CDH1: variants seen among roughly 807,000 people sequenced by gnomAD.
CDH1 encodes cadherin 1.
In CDH1, 35 loss-of-function variants were observed where a neutral mutation model predicts 84.5. The ratio of observed to expected loss-of-function variants is 0.41; its 90% confidence interval spans 0.32 to 0.55. CDH1 has a LOEUF of 0.55. CDH1 is among the 20% of genes least tolerant of loss of function. The probability of loss-of-function intolerance (pLI) is 0.19; values close to 1 mark genes in which losing one functional copy is unlikely to be tolerated. For missense variants in CDH1, 994 were observed against 1,126.6 expected, an observed-to-expected ratio of 0.88 and a Z score of 1.68; for synonymous variants, 417 against 439.0, an observed-to-expected ratio of 0.95 and a Z score of 0.63.
At position 68,806,122 on chromosome 16, in the gene CDH1, ATATTTATTTATTTATT is replaced by A. The variant is rs200148272; in HGVS notation, c.388-2272_388-2257del. Among the ~76,000 whole-genome samples, 55 of 144,518 alleles carry A rather than the reference ATATTTATTTATTTATT, an allele frequency of 3.8e-4. No homozygotes were observed. In the South Asian group the frequency reaches 6.4e-3, roughly 17 times the overall value. The allele number at this position is 144,518 out of a possible 152,430, so 94.8% of individuals were successfully genotyped here. On this transcript the variant is annotated intron_variant, in intron 3 of 15. Transcript: ENST00000261769. Reference sequence around the variant, plus strand: ...GCCACCATGCCTGGCTAATTTTTGTATATTTATTTATTTATTTATTTATTTATTTATTTATTTATTT... The same window carrying A: ...GCCACCATGCCTGGCTAATTTTTGTATATTTATTTATTTATTTATTTATTT...
At chr16:68,797,554 C>T (rs902691457) in intron 2 of CDH1, among the ~76,000 whole-genome samples, 3 of 152,078 alleles carry the variant, frequency 2.0e-5, no homozygotes, top group African/African-American at 7.2e-5. Context: ...GTGGCATGTA[C>T]CTGTAGCCCC....
intron 2 of CDH1, among the ~76,000 whole-genome samples, chr16:68,754,135 T>C (rs901160394): frequency 7.0e-6 from 1 of 143,558 alleles, no homozygotes. Flanking sequence ...AAAAAAAAAA[T>C]TATTCGGCAG....
Position 68,801,888 on chromosome 16 carries a change from C to T in CDH1, c.382C>T (p.His128Tyr), listed in dbSNP as rs376152506. The T allele has an allele frequency of 2.5e-6, 4 of 1,613,300 alleles. No individual in the cohort carries two copies. Among genetic ancestry groups the T allele is most frequent in the Non-Finnish European group, 3.4e-6 (4 of 1,179,360 alleles). The change falls in exon 3 of 16, where the codon CAT (histidine) becomes TAT (tyrosine). Residue 128 changes from histidine to tyrosine, a missense_variant. His to Tyr is a moderately conservative substitution (Grantham distance 83, BLOSUM62 2). Transcript: ENST00000261769. ...TVGHHHRPPPHQASVSGIQAE... is the reference protein window; with the variant it reads ...TVGHHHRPPPYQASVSGIQAE... ...GGGGCACCACCACCGCCCCCCGCCCCATCAGGTATGTTGGCATTTTTCTGA... is the reference window on the plus strand; with the variant it reads ...GGGGCACCACCACCGCCCCCCGCCCTATCAGGTATGTTGGCATTTTTCTGA...
intron 2 of CDH1, among the ~76,000 whole-genome samples, chr16:68,759,487 C>CTTTTTTTTT (rs141278700): frequency 3.7e-5 from 5 of 136,116 alleles, no homozygotes; most frequent in Non-Finnish European, 1.6e-5. Flanking sequence ...TCTTTTCTTT[C>CTTTTTTTTT]TTTTTTTTTT....
chr16:68,764,482 CAGG>C (rs1461468310), intron 2 of CDH1, among the ~76,000 whole-genome samples: 2 of 152,188 alleles, frequency 1.3e-5, no homozygotes, highest in Admixed American at 1.3e-4. Context: ...GAGGCTGAGA[CAGG>C]AGAATCGCTT....
intron 2 of CDH1, among the ~76,000 whole-genome samples, chr16:68,740,223 G>A (rs1174654049): frequency 6.6e-6 from 1 of 152,142 alleles, no homozygotes; most frequent in South Asian, 2.1e-4. Context: ...CCTCCACTGT[G>A]TCATTCTTCC....
At chr16:68,779,723 G>A (rs1959824050) in intron 2 of CDH1, among the ~76,000 whole-genome samples, 1 of 152,178 alleles carries the variant, frequency 6.6e-6, no homozygotes, top group East Asian at 1.9e-4. Context: ...TGGGCATGGT[G>A]GCACATGCCT....
At chr16:68,806,254 C>A (rs578128435) in intron 3 of CDH1, among the ~76,000 whole-genome samples, 70 of 151,970 alleles carry the variant, frequency 4.6e-4, no homozygotes, top group African/African-American at 1.7e-3. Flanking sequence ...CGGGTTCAAG[C>A]AATTCTCACG....
intron 2 of CDH1, among the ~76,000 whole-genome samples, chr16:68,798,778 GGGT>G (rs1337168657): frequency 1.3e-5 from 2 of 152,074 alleles, no homozygotes; most frequent in Non-Finnish European, 2.9e-5. Context: ...CTTCTGCTGG[GGGT>G]GGGGGAGGAC....
intron 2 of CDH1, among the ~76,000 whole-genome samples, chr16:68,769,710 C>T (rs1167225230): frequency 6.6e-6 from 1 of 151,674 alleles, no homozygotes; most frequent in African/African-American, 2.4e-5. Context: ...GGAGTATCGC[C>T]GGAGTCCAGG....
Position 68,786,534 on chromosome 16 carries a change from C to CTTTTTTTTTTTTTTT in CDH1, c.164-15131_164-15117dup, listed in dbSNP as rs3074434. Among the ~76,000 whole-genome samples the CTTTTTTTTTTTTTTT allele has an allele frequency of 1.6e-3, 121 of 73,942 alleles. 6 individuals are homozygous for CTTTTTTTTTTTTTTT. Among genetic ancestry groups the CTTTTTTTTTTTTTTT allele is most frequent in the East Asian group, 2.8e-3 (7 of 2,460 alleles). 48.5% of individuals were successfully genotyped at this position (73,942 alleles called of 152,430 possible). ...CTTTCTGCTTTCTTTTTTTTTTTTT[C>CTTTTTTTTTTTTTTT]TTTTTTTTTTTTTTTTTTTGGTATT... On this transcript the variant is annotated intron_variant, in intron 2 of 15. Transcript: ENST00000261769.
chr16:68,828,105 A>T (rs181023559), intron 13 of CDH1, 69 bp from the exon 14 acceptor site: 44 of 1,586,812 alleles, frequency 2.8e-5, no homozygotes, highest in Non-Finnish European at 3.7e-5. Context: ...GTGCTCTGTG[A>T]TAGCTGCTGC....
intron 13 of CDH1, among the ~76,000 whole-genome samples, chr16:68,825,976 C>T (rs1961312653): frequency 6.6e-6 from 1 of 151,718 alleles, no homozygotes; most frequent in Admixed American, 6.6e-5. Context: ...GCCACCACAC[C>T]CAGCTAATTT....
At chr16:68,767,718 C>T (rs1416603701) in intron 2 of CDH1, among the ~76,000 whole-genome samples, 1 of 152,100 alleles carries the variant, frequency 6.6e-6, no homozygotes, top group Non-Finnish European at 1.5e-5. Flanking sequence ...AGGTTTGGGG[C>T]ACCCAGATGC....
At chr16:68,765,913 G>T (rs1365841815) in intron 2 of CDH1, among the ~76,000 whole-genome samples, 35 of 152,042 alleles carry the variant, frequency 2.3e-4, no homozygotes, top group Admixed American at 2.3e-3. Flanking sequence ...TTACTGGTAT[G>T]CATTTAGTTT....
chr16:68,796,006 A>G (rs1960348348), intron 2 of CDH1, among the ~76,000 whole-genome samples: 1 of 151,818 alleles, frequency 6.6e-6, no homozygotes, highest in Admixed American at 6.6e-5. Flanking sequence ...TACTAAAAAT[A>G]CAAAAGATTA....
At chr16:68,742,931 A>G (rs1489638573) in intron 2 of CDH1, among the ~76,000 whole-genome samples, 3 of 152,124 alleles carry the variant, frequency 2.0e-5, no homozygotes, top group Non-Finnish European at 4.4e-5. Flanking sequence ...GCTTACTGGG[A>G]AAGAAGACCA....
At position 68,833,922 on chromosome 16, in the gene CDH1, GT is replaced by G. The variant is rs1961568777; in HGVS notation, c.*424del. 9.7e-5 allele frequency: 32 copies of G among 329,948 alleles called. 1 individual carries two copies. The South Asian group carries it at 1.3e-3, about 14-fold the overall frequency. 20.4% of individuals were successfully genotyped at this position (329,948 alleles called of 1,614,324 possible). A position where few individuals can be genotyped will look rare whatever the true frequency, so the allele number is the denominator to read the frequency against. ...ATATAATTTTTTAAAAAAAATTTGTGTGCTTCTGCTCATTACTACACTGGTG... is the reference window on the plus strand; with the variant it reads ...ATATAATTTTTTAAAAAAAATTTGTGGCTTCTGCTCATTACTACACTGGTG... On this transcript the variant is annotated 3_prime_UTR_variant, in exon 16 of 16. Transcript: ENST00000261769.
intron 5 of CDH1, 54 bp from the exon 6 acceptor site, chr16:68,810,143 T>A: frequency 1.2e-6 from 2 of 1,607,534 alleles, no homozygotes; most frequent in East Asian, 2.2e-5. Flanking sequence ...GGGCCCCTTC[T>A]CCCATGTTTT....
Sources: allele counts gnomAD v4.1 joint callset (sites outside exome capture counted in the v4.1 genomes callset), GRCh38; gene constraint gnomAD v4.1.1; transcripts MANE v1.5; gene names NCBI Gene and HGNC (gene_info 2026-07-23, HGNC 2026-07-21).